The following TBC1D2B variants were observed in gnomAD, a reference collection of about 807,000 sequenced individuals.
The protein encoded by TBC1D2B is TBC1 domain family, member 2B.
A neutral mutation model predicts 100.8 loss-of-function variants in TBC1D2B; 64 were observed. The observed-to-expected ratio is 0.64, with a 90% confidence interval of 0.52 to 0.78. The LOEUF (loss-of-function observed/expected upper bound fraction) is 0.78. Among genes scored for constraint, TBC1D2B ranks in the 30% least tolerant of loss-of-function variants. The probability of loss-of-function intolerance (pLI) is 0.00; values close to 1 mark genes in which losing one functional copy is unlikely to be tolerated. For missense variants in TBC1D2B, 1,052 were observed against 1,218.4 expected, an observed-to-expected ratio of 0.86 and a Z score of 2.03; for synonymous variants, 480 against 479.7, an observed-to-expected ratio of 1.00 and a Z score of -0.01.
At chr15:78,060,139 T>A (rs1444487915) in intron 1 of TBC1D2B, among the ~76,000 whole-genome samples, 1 of 152,234 alleles carries the variant, frequency 6.6e-6, no homozygotes, top group Non-Finnish European at 1.5e-5. Flanking sequence ...ACATAAAGTG[T>A]TCATTTGCTT....
At chr15:78,015,228 C>A (rs2072340502) in intron 8 of TBC1D2B, among the ~76,000 whole-genome samples, 2 of 151,870 alleles carry the variant, frequency 1.3e-5, no homozygotes, top group South Asian at 2.1e-4. Flanking sequence ...CAAAACAAAA[C>A]AATAAAATAA....
Position 78,027,664 on chromosome 15 carries a change from G to A in TBC1D2B, c.848-2167C>T, listed in dbSNP as rs903158575. ...CAAGGTGCAGGGAGTTTCTCCTCCC[G>A]TCCCAACTCACTAAGCACTCCCGAT... On this transcript the variant is annotated intron_variant, in intron 4 of 12. Transcript: ENST00000300584. Among the ~76,000 whole-genome samples the A allele has an allele frequency of 2.6e-5, 4 of 152,168 alleles. No homozygotes were observed. In the East Asian group the frequency reaches 7.7e-4, roughly 29 times the overall value.
rs777790889 is a variant in TBC1D2B at position 78,054,074 on chromosome 15, G to A, written c.474C>T (p.Pro158=). Residue 158 remains proline (P), a synonymous_variant, in exon 2 of 13, where the codon CCC becomes CCT. Coordinates refer to ENST00000300584, the MANE Select transcript of TBC1D2B (RefSeq NM_144572.2). ...VKWDSRTSPT[P]GDFPKGLVAR... is the part of the protein sequence containing the mutation. ...CTACAAGACCCTTAGGAAAATCCCC[G>A]GGAGTTGGAGAGGTCCTGCTGTCCC... 19 of 1,613,388 alleles carry A rather than the reference G, an allele frequency of 1.2e-5. No individual in the cohort carries two copies. Among genetic ancestry groups the A allele is most frequent in the South Asian group, 2.2e-5 (2 of 91,018 alleles).
intron 10 of TBC1D2B, among the ~76,000 whole-genome samples, chr15:78,007,077 A>C (rs1259896723): frequency 6.6e-6 from 1 of 152,226 alleles, no homozygotes; most frequent in Non-Finnish European, 1.5e-5. Context: ...CTGTGTGCTA[A>C]GGCTGCACAG....
At chr15:78,047,352 G>A (rs1435183745) in intron 2 of TBC1D2B, among the ~76,000 whole-genome samples, 1 of 152,086 alleles carries the variant, frequency 6.6e-6, no homozygotes, top group East Asian at 1.9e-4. Context: ...CAACCAATGA[G>A]ACAGAGCTTT....
At chr15:78,026,101 T>C (rs1048098974) in intron 4 of TBC1D2B, among the ~76,000 whole-genome samples, 2 of 152,010 alleles carry the variant, frequency 1.3e-5, no homozygotes, top group African/African-American at 4.8e-5. Context: ...TTTTGCTAAT[T>C]TGTCCTTAGC....
chr15:78,008,623 C>G (rs1336616359), intron 10 of TBC1D2B, among the ~76,000 whole-genome samples: 1 of 152,266 alleles, frequency 6.6e-6, no homozygotes, highest in Non-Finnish European at 1.5e-5. Flanking sequence ...TTGTCTCATT[C>G]CAGCCTGACA....
chr15:78,010,321 G>A (rs577746711), intron 9 of TBC1D2B, among the ~76,000 whole-genome samples: 17 of 152,250 alleles, frequency 1.1e-4, no homozygotes, highest in African/African-American at 4.1e-4. Flanking sequence ...GGCTCCAAGC[G>A]GGAATCTGGA....
Position 78,001,665 on chromosome 15 carries a change from T to C in TBC1D2B, c.2650A>G (p.Ile884Val), listed in dbSNP as rs752767804. 14 of 1,608,384 alleles carry C rather than the reference T, an allele frequency of 8.7e-6. 1 individual carries two copies. The highest frequency in any genetic ancestry group is 1.1e-5 in the South Asian group (1 of 89,672). ...GTGAAGTAGCGGAGATACTTAAATATAGACATCGAATCTTGCAATTTCAAA... is the reference window on the plus strand; with the variant it reads ...GTGAAGTAGCGGAGATACTTAAATACAGACATCGAATCTTGCAATTTCAAA... ...EILKLQDSMS[I>V]FKYLRYFTRT... Residue 884 changes from isoleucine (I) to valine (V), a missense_variant, in exon 12 of 13, where the codon ATA (isoleucine) becomes GTA (valine). Physicochemically the swap from Ile to Val is conservative, Grantham distance 29 (BLOSUM62 3). Around this residue, in one of 4 missense-constraint regions of TBC1D2B, gnomAD observed 373 missense variants for 464.9 expected, o/e 0.80. Transcript: ENST00000300584.
intron 10 of TBC1D2B, among the ~76,000 whole-genome samples, chr15:78,008,550 T>C (rs2072132223): frequency 6.6e-6 from 1 of 152,220 alleles, no homozygotes; most frequent in Non-Finnish European, 1.5e-5. Flanking sequence ...CCTCCCTTCC[T>C]GGGGCTGGAA....
Position 78,005,435 on chromosome 15 carries a change from T to C in TBC1D2B, c.2389-1945A>G, listed in dbSNP as rs559175365. On this transcript the variant is annotated intron_variant, in intron 10 of 12. Transcript: ENST00000300584. ...CTGGCAGGAGGCAGTTTGACAGTGA[T>C]TGGCAAAGCCCAGTGCTCAGGGTTG... is the stretch of plus-strand genomic sequence containing the variant. 6.6e-5 allele frequency among the ~76,000 whole-genome samples: 10 copies of C among 152,314 alleles called. No homozygotes were observed. The South Asian group carries it at 1.9e-3, about 28-fold the overall frequency.
At position 77,995,370 on chromosome 15, in the gene TBC1D2B, T is replaced by G. The variant is rs1448045902; in HGVS notation, c.*2790A>C. 3 of 152,352 alleles carry G rather than the reference T, an allele frequency of 2.0e-5. No homozygotes were observed. 9.4% of individuals were successfully genotyped at this position (152,352 alleles called of 1,614,324 possible). A position where few individuals can be genotyped will look rare whatever the true frequency, so the allele number is the denominator to read the frequency against. The stretch of plus-strand genomic sequence containing the variant: ...AACCGTCTCCAGCTGTCAGCAGTCT[T>G]GGCGGCTACTGTACAGCTGTCAGCA... On this transcript the variant is annotated 3_prime_UTR_variant, in exon 13 of 13. Coordinates refer to ENST00000300584, the MANE Select transcript of TBC1D2B (RefSeq NM_144572.2).
intron 4 of TBC1D2B, among the ~76,000 whole-genome samples, chr15:78,029,396 G>A (rs150074171): frequency 9.4e-4 from 143 of 152,164 alleles, no homozygotes; most frequent in Middle Eastern, 3.4e-3. Context: ...TCTCTTAGAG[G>A]TACATACTAT....
intron 3 of TBC1D2B, among the ~76,000 whole-genome samples, chr15:78,039,523 A>G (rs1371873851): frequency 6.6e-6 from 1 of 152,156 alleles, no homozygotes; most frequent in Non-Finnish European, 1.5e-5. Flanking sequence ...CGGCTAGCTC[A>G]GCCCTTACAC....
At chr15:77,999,425 G>A (rs1053190558) in intron 12 of TBC1D2B, 4 of 363,752 alleles carry the variant, frequency 1.1e-5, no homozygotes, top group African/African-American at 8.5e-5. Context: ...GAGGCTTAAG[G>A]TCAGAAAGGC....
chr15:78,025,120 T>C (rs1187358621), intron 5 of TBC1D2B, 139 bp downstream of exon 5: 5 of 684,938 alleles, frequency 7.3e-6, no homozygotes, highest in Admixed American at 5.7e-5. Flanking sequence ...CATGGCAATA[T>C]GAAACCTCCA....
intron 2 of TBC1D2B, among the ~76,000 whole-genome samples, chr15:78,045,904 A>T (rs1446080314): frequency 3.3e-5 from 5 of 152,066 alleles, no homozygotes; most frequent in East Asian, 3.8e-4. Flanking sequence ...GTTACTTAAA[A>T]TTTTTTTGTT....
chr15:78,036,240 TTTC>T (rs1286380785), intron 3 of TBC1D2B, among the ~76,000 whole-genome samples: 1 of 152,222 alleles, frequency 6.6e-6, no homozygotes, highest in African/African-American at 2.4e-5. Flanking sequence ...ATGATTGATT[TTTC>T]TTTTTATACG....
chr15:78,011,741 C>T (rs928448343), intron 9 of TBC1D2B, among the ~76,000 whole-genome samples: 5 of 150,390 alleles, frequency 3.3e-5, no homozygotes, highest in African/African-American at 9.8e-5. Context: ...ATCTGCCTCC[C>T]GGGTTCAAGT....
Sources: gnomAD v4.1 joint callset for allele counts (sites outside exome capture counted in the v4.1 genomes callset) on GRCh38, gnomAD v4.1.1 for gene constraint, gnomAD v4.1.1 regional missense constraint, MANE v1.5 for transcripts, NCBI Gene and HGNC (gene_info 2026-07-23, HGNC 2026-07-21) for gene names.